SUPT20H: variants seen among roughly 807,000 people sequenced by gnomAD.
The protein encoded by SUPT20H is transcription factor SPT20 homolog.
In SUPT20H, 82 loss-of-function variants were observed where a neutral mutation model predicts 122.8. The ratio of observed to expected loss-of-function variants is 0.67; its 90% CI spans 0.56 to 0.80. SUPT20H has a LOEUF of 0.80. Among genes scored for constraint, SUPT20H ranks in the 30% least tolerant of loss-of-function variants. The probability of loss-of-function intolerance (pLI) is 0.00; values close to 1 mark genes in which losing one functional copy is unlikely to be tolerated. For synonymous variants in SUPT20H, 291 were observed against 313.0 expected, an observed-to-expected ratio of 0.93 and a Z score of 0.74; for missense variants, 831 against 921.6, an observed-to-expected ratio of 0.90 and a Z score of 1.27.
chr13:37,058,638 A>G (rs1372041720), intron 1 of SUPT20H, among the ~76,000 whole-genome samples: 2 of 152,148 alleles, frequency 1.3e-5, no homozygotes, highest in Non-Finnish European at 1.5e-5. Context: ...AACTGTAATC[A>G]TTATCATTTC....
rs1399943511 is a variant in SUPT20H at position 37,028,263 on chromosome 13, G to A, written c.1036C>T (p.Gln346Ter). The A allele has an allele frequency of 1.2e-6, 2 of 1,613,132 alleles. No individual in the cohort carries two copies. Among genetic ancestry groups the A allele is most frequent in the Non-Finnish European group, 1.7e-6 (2 of 1,179,706 alleles). Residue 346 changes from glutamine (Q) to a stop codon, truncating the protein, a stop_gained, in exon 14 of 26, where the codon CAG becomes TAG. Coordinates refer to ENST00000350612, the MANE Select transcript of SUPT20H (RefSeq NM_001014286.3). LOFTEE classifies it high-confidence loss of function. ...DYVFECEAGT[Q>*]YQKTKLTILQ... ...ATGGTCAGCTTTGTTTTCTGATACT[G>A]AGTACCAGCTTCACATTCAAATACA... is the stretch of plus-strand genomic sequence containing the variant.
rs967416805 is a variant in SUPT20H, at chr13:37,022,627, A to G, written c.1592-547T>C. 15 of 1,070,176 alleles carry G rather than the reference A, an allele frequency of 1.4e-5. No individual in the cohort carries two copies. The South Asian group carries it at 6.6e-4, about 47-fold the overall frequency. The allele number at this position is 1,070,176 out of a possible 1,614,324, so 66.3% of individuals were successfully genotyped here. A position where few individuals can be genotyped will look rare whatever the true frequency, so the allele number is the denominator to read the frequency against. On this transcript the variant is annotated intron_variant, in intron 19 of 25. Coordinates refer to ENST00000350612, the MANE Select transcript of SUPT20H (RefSeq NM_001014286.3). This position sits in a 1 kb window ranked among gnomAD's most constrained non-coding sequence, Gnocchi z 4.5. ...TCCTACATGCTGCCTTTGGCCTAAA[A>G]AGTTCAAAACGAATTCAAATTAATT...
Position 37,045,298 on chromosome 13 carries a change from A to ATATT in SUPT20H, c.240_241insAATA (p.Tyr81AsnfsTer6). 6.2e-7 allele frequency: 1 copy of ATATT among 1,613,776 alleles called. No individual in the cohort carries two copies. The highest frequency in any genetic ancestry group is 8.5e-7 in the Non-Finnish European group (1 of 1,179,786). On this transcript the variant is annotated frameshift_variant, in exon 6 of 26. Transcript: ENST00000350612. LOFTEE classifies it high-confidence loss of function. ...AGAGAATATCCCTCATTTCCTGGGT[A>ATATT]TAGATTGACCACTAAACATGACAAA...
intron 23 of SUPT20H, chr13:37,013,027 T>C (rs1424082472): frequency 6.6e-6 from 1 of 152,104 alleles, no homozygotes; most frequent in African/African-American, 2.4e-5. Flanking sequence ...ATCATAAAGA[T>C]GGCAGTTCTT....
rs762519599 is a variant in SUPT20H at position 37,024,425 on chromosome 13, T to C, written c.1347A>G (p.Ser449=). The change falls in exon 18 of 26, where the codon TCA becomes TCG. Residue 449 remains serine, a synonymous_variant. Coordinates refer to ENST00000350612, the MANE Select transcript of SUPT20H (RefSeq NM_001014286.3). ...GKETDQTETV[S]VQSSVLGKGV... is the part of the protein sequence containing the mutation. The stretch of plus-strand genomic sequence containing the variant: ...CCTTCCCCAATACCGAAGACTGAAC[T>C]GACACGGTTTCAGTTTGCTAAAAGA... 2 of 1,564,102 alleles carry C rather than the reference T, an allele frequency of 1.3e-6. No homozygotes were observed. Among genetic ancestry groups the C allele is most frequent in the Non-Finnish European group, 8.6e-7 (1 of 1,159,384 alleles).
At chr13:37,032,508 C>T (rs996164791) in intron 10 of SUPT20H, among the ~76,000 whole-genome samples, 3 of 152,144 alleles carry the variant, frequency 2.0e-5, no homozygotes. Context: ...CAAATGCAGA[C>T]CATCATGCCT....
chr13:37,052,446 G>A (rs1054274959), intron 1 of SUPT20H, among the ~76,000 whole-genome samples: 7 of 152,092 alleles, frequency 4.6e-5, no homozygotes, highest in African/African-American at 1.7e-4. Flanking sequence ...TCTAATAAAT[G>A]GCCCTGGGAA....
intron 9 of SUPT20H, 108 bp from the exon 10 acceptor site, chr13:37,033,696 C>T: frequency 2.5e-6 from 3 of 1,213,548 alleles, no homozygotes; most frequent in Admixed American, 2.6e-5. Context: ...CTAAGGACTA[C>T]AGTAAAATAT....
rs564079310 is a variant in SUPT20H, at chr13:37,024,340, C to G, written c.1432G>C (p.Gly478Arg). The stretch of plus-strand genomic sequence containing the variant: ...TGCAAAAAACTAAGAAATGTAATAC[C>G]TGAGGAACTATTTCCTGAGCTTGAG... ...LPSSSGNSSS[G>R]NYFTPQQTSS... The change falls in exon 18 of 26, where the codon GGT (glycine) becomes CGT (arginine). Residue 478 changes from glycine to arginine, a missense_variant and splice_region_variant. By Grantham distance (125) the Gly-to-Arg change is moderately radical (BLOSUM62 -2). Transcript: ENST00000350612. 6.4e-7 allele frequency: 1 copy of G among 1,574,752 alleles called. No individual in the cohort carries two copies. The highest frequency in any genetic ancestry group is 1.4e-5 in the African/African-American group (1 of 72,770).
chr13:37,037,925 A>T (rs1356007023), intron 9 of SUPT20H: 1 of 152,144 alleles, frequency 6.6e-6, no homozygotes, highest in Non-Finnish European at 1.5e-5. Context: ...CATGTCCATT[A>T]ACTAGATCTG....
At chr13:37,053,971 C>T (rs1211829829) in intron 1 of SUPT20H, among the ~76,000 whole-genome samples, 2 of 152,190 alleles carry the variant, frequency 1.3e-5, no homozygotes, top group Non-Finnish European at 2.9e-5. Flanking sequence ...AAACTACCAT[C>T]AGAGAATACT....
At chr13:37,052,976 C>G (rs2068075832) in intron 1 of SUPT20H, among the ~76,000 whole-genome samples, 1 of 152,112 alleles carries the variant, frequency 6.6e-6, no homozygotes, top group Non-Finnish European at 1.5e-5. Flanking sequence ...AATGAAATAC[C>G]ATCTCACACC....
Position 37,026,024 on chromosome 13 carries a change from G to C in SUPT20H, c.1211+180C>G, listed in dbSNP as rs920350976. ...GATTTTAAAGTTGGAAAGGACCTTA[G>C]AGGTTTTATTGTCCAATGCCCTAAT... On this transcript the variant is annotated intron_variant, in intron 16 of 25. Coordinates refer to ENST00000350612, the MANE Select transcript of SUPT20H (RefSeq NM_001014286.3). The C allele has an allele frequency of 4.0e-5, 18 of 446,884 alleles. 1 individual carries two copies. Among genetic ancestry groups the C allele is most frequent in the South Asian group, 2.7e-4 (4 of 15,002 alleles). The allele number at this position is 446,884 out of a possible 1,614,324, so 27.7% of individuals were successfully genotyped here. A position where few individuals can be genotyped will look rare whatever the true frequency, so the allele number is the denominator to read the frequency against.
intron 15 of SUPT20H, among the ~76,000 whole-genome samples, 170 bp from the exon 16 acceptor site, chr13:37,026,406 CA>C (rs2062286260): frequency 6.6e-6 from 1 of 151,950 alleles, no homozygotes; most frequent in African/African-American, 2.4e-5. Context: ...ACATATGAAA[CA>C]ATGACTAAGT....
Position 37,051,698 on chromosome 13 carries a change from C to A in SUPT20H, c.-93-115G>T, listed in dbSNP as rs76261597. On this transcript the variant is annotated intron_variant, in intron 1 of 25. Coordinates refer to ENST00000350612, the MANE Select transcript of SUPT20H (RefSeq NM_001014286.3). Reference sequence around the variant, plus strand: ...AAATTACTTATATTTTTAAGACATACATATTTTTAAGACACTTTTTAATAA... The same window carrying A: ...AAATTACTTATATTTTTAAGACATAAATATTTTTAAGACACTTTTTAATAA... The A allele has an allele frequency of 3.6e-4, 160 of 441,698 alleles. 1 individual carries two copies. The highest frequency in any genetic ancestry group is 2.9e-3 in the African/African-American group (145 of 50,354). The allele number at this position is 441,698 out of a possible 1,614,324, so 27.4% of individuals were successfully genotyped here.
At chr13:37,020,811 G>A (rs2061364571) in intron 21 of SUPT20H, among the ~76,000 whole-genome samples, 1 of 151,882 alleles carries the variant, frequency 6.6e-6, no homozygotes, top group African/African-American at 2.4e-5. Flanking sequence ...ATTTTAAAGA[G>A]CATCAAAAAA....
chr13:37,050,736 T>C (rs1012362609), intron 2 of SUPT20H, among the ~76,000 whole-genome samples: 2 of 152,156 alleles, frequency 1.3e-5, no homozygotes, highest in African/African-American at 2.4e-5. Context: ...TTAGGTAATA[T>C]AGATGCAAAA....
chr13:37,016,038 T>C (rs1444865273), intron 23 of SUPT20H, among the ~76,000 whole-genome samples: 2 of 152,188 alleles, frequency 1.3e-5, no homozygotes, highest in African/African-American at 2.4e-5. Flanking sequence ...CCAGATATAG[T>C]TTCAGTTTTG....
At chr13:37,013,029 G>A (rs2059862734) in intron 23 of SUPT20H, 1 of 152,028 alleles carries the variant, frequency 6.6e-6, no homozygotes, top group African/African-American at 2.4e-5. Context: ...CATAAAGATG[G>A]CAGTTCTTCC....
Sources: gnomAD v4.1 joint callset for allele counts (sites outside exome capture counted in the v4.1 genomes callset) on GRCh38, gnomAD v4.1.1 for gene constraint, Gnocchi (gnomAD v3.1) non-coding constraint, MANE v1.5 for transcripts, NCBI Gene and HGNC (gene_info 2026-07-23, HGNC 2026-07-21) for gene names.